PARM1: variants seen among roughly 807,000 people sequenced by gnomAD.
PARM1 encodes prostate androgen-regulated mucin-like protein 1, also known as WSC4, cell wall integrity and stress response component 4 homolog.
Under a neutral mutation model 24.6 loss-of-function variants are expected in PARM1, and 14 were observed. That is an observed-to-expected ratio of 0.57 (90% CI 0.38 to 0.89). PARM1 has a LOEUF of 0.89. Among genes scored for constraint, PARM1 ranks in the 40% least tolerant of loss-of-function variants. PARM1 has a pLI of 0.00. For missense variants in PARM1, 362 were observed against 380.4 expected, an observed-to-expected ratio of 0.95 and a Z score of 0.40; for synonymous variants, 179 against 156.6, an observed-to-expected ratio of 1.14 and a Z score of -1.07.
chr4:75,018,765 A>G (rs1004546242), intron 2 of PARM1, among the ~76,000 whole-genome samples: 1 of 152,240 alleles, frequency 6.6e-6, no homozygotes, highest in African/African-American at 2.4e-5. Flanking sequence ...GCTCAGCAGT[A>G]TCTGTTTTAC....
chr4:75,021,882 T>C (rs2033056), intron 2 of PARM1, among the ~76,000 whole-genome samples: 76,818 of 152,076 alleles, frequency 0.51, 19,767 homozygotes, highest in African/African-American at 0.54. Flanking sequence ...AGGTAGATTC[T>C]ATGTCTTTGC....
At position 75,050,075 on chromosome 4, in the gene PARM1, C is replaced by A. The variant is rs1446148736; in HGVS notation, c.*3828C>A. On this transcript the variant is annotated 3_prime_UTR_variant, in exon 4 of 4. Coordinates refer to ENST00000307428, the MANE Select transcript of PARM1 (RefSeq NM_015393.4). ...CATTTGTTGTAAGACATATTGCATA[C>A]CAATTATAATTATATCAATTAAAGT... 1 of 152,430 alleles carries A rather than the reference C, an allele frequency of 6.6e-6. No individual in the cohort carries two copies. The highest frequency in any genetic ancestry group is 1.5e-5 in the Non-Finnish European group (1 of 67,992). 9.4% of individuals were successfully genotyped at this position (152,430 alleles called of 1,614,324 possible). A position where few individuals can be genotyped will look rare whatever the true frequency, so the allele number is the denominator to read the frequency against.
chr4:75,019,895 C>T (rs1284045413), intron 2 of PARM1, among the ~76,000 whole-genome samples: 2 of 147,240 alleles, frequency 1.4e-5, no homozygotes, highest in African/African-American at 2.5e-5. Flanking sequence ...CCCAGCTACT[C>T]GGGAGGCTGA....
intron 1 of PARM1, among the ~76,000 whole-genome samples, chr4:75,006,747 G>A (rs1344517917): frequency 2.0e-5 from 3 of 152,132 alleles, no homozygotes; most frequent in Admixed American, 2.0e-4. Flanking sequence ...GAACTTAAAT[G>A]TTAGACCTAA....
intron 2 of PARM1, among the ~76,000 whole-genome samples, chr4:75,020,009 CAAAAAAAAAAAAA>C (rs1161399344): frequency 1.6e-4 from 5 of 31,046 alleles, no homozygotes; most frequent in East Asian, 2.6e-3. Context: ...GACTCCGTCT[CAAAAAAAAAAAAA>C]AAAAAAAAAA....
chr4:74,974,786 G>A (rs1392496710), intron 1 of PARM1, among the ~76,000 whole-genome samples: 1 of 152,106 alleles, frequency 6.6e-6, no homozygotes, highest in East Asian at 1.9e-4. Flanking sequence ...TTTAGATGAG[G>A]TCAGAAGGAT....
At chr4:74,964,604 T>G (rs1456277767) in intron 1 of PARM1, among the ~76,000 whole-genome samples, 1 of 151,174 alleles carries the variant, frequency 6.6e-6, no homozygotes, top group Admixed American at 6.6e-5. Flanking sequence ...GATCTTTTGT[T>G]TATGATTCTC....
At chr4:75,014,226 G>T (rs1196661315) in intron 2 of PARM1, among the ~76,000 whole-genome samples, 9 of 152,158 alleles carry the variant, frequency 5.9e-5, no homozygotes, top group Non-Finnish European at 1.3e-4. Context: ...GGTAGGAAGA[G>T]ATAGAACTAA....
intron 1 of PARM1, among the ~76,000 whole-genome samples, chr4:74,977,512 G>A (rs1008515722): frequency 6.6e-6 from 1 of 152,128 alleles, no homozygotes; most frequent in African/African-American, 2.4e-5. Context: ...AAAGAGACAA[G>A]GAGAATGGAC....
chr4:75,039,365 A>G (rs1723432883), intron 3 of PARM1, among the ~76,000 whole-genome samples: 1 of 152,000 alleles, frequency 6.6e-6, no homozygotes, highest in African/African-American at 2.4e-5. Context: ...CCCCATCTCT[A>G]CTAAAAATAC....
intron 1 of PARM1, among the ~76,000 whole-genome samples, chr4:74,939,595 A>G (rs1721260890): frequency 1.3e-5 from 2 of 152,074 alleles, no homozygotes; most frequent in African/African-American, 4.8e-5. Context: ...ATCTTGAGAA[A>G]TCTCACAAAT....
chr4:75,015,873 G>C (rs1031462532), intron 2 of PARM1, among the ~76,000 whole-genome samples: 1 of 152,210 alleles, frequency 6.6e-6, no homozygotes, highest in Non-Finnish European at 1.5e-5. Context: ...AGCAGACCAA[G>C]CAACATTCTG....
chr4:74,981,703 C>T (rs1722259198), intron 1 of PARM1, among the ~76,000 whole-genome samples: 1 of 151,834 alleles, frequency 6.6e-6, no homozygotes, highest in Non-Finnish European at 1.5e-5. Flanking sequence ...GGTGAAACCC[C>T]GTCTCTACTA....
intron 1 of PARM1, among the ~76,000 whole-genome samples, chr4:74,962,423 A>G (rs1721795764): frequency 1.3e-5 from 2 of 152,222 alleles, no homozygotes; most frequent in South Asian, 4.1e-4. Flanking sequence ...TATAGAATAG[A>G]AATAAAATGA....
intron 1 of PARM1, among the ~76,000 whole-genome samples, chr4:74,980,271 C>T (rs1722222506): frequency 1.3e-5 from 2 of 152,184 alleles, no homozygotes; most frequent in African/African-American, 2.4e-5. Context: ...AGCAAAGTCT[C>T]AGGGTACAAA....
At chr4:74,960,209 C>A (rs927033126) in intron 1 of PARM1, among the ~76,000 whole-genome samples, 5 of 152,138 alleles carry the variant, frequency 3.3e-5, no homozygotes, top group Non-Finnish European at 7.4e-5. Flanking sequence ...ATTGTTGCAC[C>A]CCTTTCTTCA....
chr4:75,005,198 G>A (rs1722747657), intron 1 of PARM1, among the ~76,000 whole-genome samples: 1 of 152,186 alleles, frequency 6.6e-6, no homozygotes, highest in South Asian at 2.1e-4. Flanking sequence ...CAGCTGTGTG[G>A]CCTCTGCCAG....
At chr4:75,013,226 A>C in intron 2 of PARM1, 76 bp downstream of exon 2, 1 of 1,452,622 alleles carries the variant, frequency 6.9e-7, no homozygotes, top group Non-Finnish European at 9.2e-7. Context: ...AACCAAACAC[A>C]ATGGAAAATT....
intron 2 of PARM1, among the ~76,000 whole-genome samples, chr4:75,018,043 T>C (rs1053865015): frequency 2.0e-5 from 3 of 152,250 alleles, no homozygotes; most frequent in Admixed American, 2.0e-4. Context: ...TTATCATTGT[T>C]ATTATTTTAT....
Sources: allele counts gnomAD v4.1 joint callset (sites outside exome capture counted in the v4.1 genomes callset), GRCh38; gene constraint gnomAD v4.1.1; transcripts MANE v1.5; gene names NCBI Gene and HGNC (gene_info 2026-07-23, HGNC 2026-07-21).